The following TENM2 variants were observed in gnomAD, a reference collection of about 807,000 sequenced individuals.
The protein encoded by TENM2 is teneurin-2.
TENM2 carries 52 observed loss-of-function variants against 245.2 expected under a neutral mutation model. That is an observed-to-expected ratio of 0.21 (90% CI 0.17 to 0.27). The LOEUF (loss-of-function observed/expected upper bound fraction) is 0.27, where lower values mean the gene tolerates loss of function less well. Among genes scored for constraint, TENM2 ranks in the 10% least tolerant of loss-of-function variants. The pLI is 1.00. For missense variants in TENM2, 3,046 were observed against 3,666.8 expected, an observed-to-expected ratio of 0.83 and a Z score of 4.37; for synonymous variants, 1,363 against 1,438.9, an observed-to-expected ratio of 0.95 and a Z score of 1.19.
At chr5:168,190,580 GTC>G in intron 14 of TENM2, 33 bp downstream of exon 16, 1 of 1,584,944 alleles carries the variant, frequency 6.3e-7, no homozygotes, top group Non-Finnish European at 8.6e-7. Flanking sequence ...AACTCCTGAA[GTC>G]TCTGATTTTC....
intron 3 of TENM2, among the ~76,000 whole-genome samples, chr5:167,882,616 C>T (rs191989221): frequency 2.3e-3 from 353 of 152,296 alleles, no homozygotes; most frequent in Non-Finnish European, 4.2e-3. Context: ...AGGGGAAGAA[C>T]AGCACCTTCT....
At chr5:167,952,311 A>T (rs774955373) in intron 3 of TENM2, 88 of 551,730 alleles carry the variant, frequency 1.6e-4, no homozygotes, top group Non-Finnish European at 2.4e-4. Flanking sequence ...ATATGTTTCA[A>T]ATAATTCCTC....
chr5:167,092,487 A>C, the TENM2 span, among the ~76,000 whole-genome samples: 5 of 152,202 alleles, frequency 3.3e-5, no homozygotes, highest in African/African-American at 1.2e-4. Context: ...TACAGCTGAT[A>C]TTACAGATTG....
chr5:167,125,773 C>T, the TENM2 span, among the ~76,000 whole-genome samples: 3 of 152,032 alleles, frequency 2.0e-5, no homozygotes, highest in Non-Finnish European at 4.4e-5. Context: ...TAGACCCTTC[C>T]CTAGGTCTCT....
chr5:167,510,939 T>TA (rs906349023), intron 2 of TENM2, among the ~76,000 whole-genome samples: 173 of 125,918 alleles, frequency 1.4e-3, no homozygotes, highest in African/African-American at 3.6e-3. Context: ...TGTGAGATAA[T>TA]AAAAAAAAAA....
At chr5:168,005,641 T>C (rs770752012) in intron 5 of TENM2, among the ~76,000 whole-genome samples, 4 of 152,180 alleles carry the variant, frequency 2.6e-5, no homozygotes, top group Non-Finnish European at 5.9e-5. Flanking sequence ...AGGATTTTGT[T>C]GGAAGAGCTG....
chr5:167,132,623 A>C, the TENM2 span, among the ~76,000 whole-genome samples: 1 of 152,322 alleles, frequency 6.6e-6, no homozygotes, highest in South Asian at 2.1e-4. Context: ...TGCATTTGGC[A>C]TGTGACCCCC....
intron 2 of TENM2, among the ~76,000 whole-genome samples, chr5:167,569,833 G>T (rs1486649564): frequency 2.0e-5 from 3 of 152,136 alleles, no homozygotes; most frequent in East Asian, 1.9e-4. Flanking sequence ...GAGAGTAAAA[G>T]AATTTGACCC....
At chr5:167,672,079 G>T (rs1755986925) in intron 2 of TENM2, among the ~76,000 whole-genome samples, 1 of 152,108 alleles carries the variant, frequency 6.6e-6, no homozygotes, top group African/African-American at 2.4e-5. Flanking sequence ...GCAAAATTAT[G>T]CAGTGAAAAC....
chr5:167,304,195 G>A (rs774217546), intron 1 of TENM2, among the ~76,000 whole-genome samples: 2 of 152,176 alleles, frequency 1.3e-5, no homozygotes, highest in Admixed American at 6.5e-5. Flanking sequence ...GATGATAAAT[G>A]CTTCTTCCCC....
chr5:167,160,306 C>T, the TENM2 span, among the ~76,000 whole-genome samples: 2 of 152,204 alleles, frequency 1.3e-5, no homozygotes, highest in Non-Finnish European at 2.9e-5. Flanking sequence ...GATTCTGGTC[C>T]ACAGGACGGA....
At chr5:167,939,821 C>T (rs950151827) in intron 3 of TENM2, among the ~76,000 whole-genome samples, 2 of 152,204 alleles carry the variant, frequency 1.3e-5, no homozygotes, top group Non-Finnish European at 2.9e-5. Flanking sequence ...AATCAGGATT[C>T]ACCCAGCCTG....
At chr5:167,320,759 C>T (rs866968815) in intron 1 of TENM2, among the ~76,000 whole-genome samples, 48 of 152,160 alleles carry the variant, frequency 3.2e-4, no homozygotes, top group African/African-American at 1.1e-3. Flanking sequence ...ATTGGACTTT[C>T]CAGCCTCCAG....
At chr5:167,465,913 G>A (rs758203793) in intron 2 of TENM2, among the ~76,000 whole-genome samples, 3 of 152,244 alleles carry the variant, frequency 2.0e-5, no homozygotes, top group African/African-American at 4.8e-5. Context: ...GGATGTATCA[G>A]TATCTGCCTT....
At chr5:167,385,285 C>T (rs1307331929) in intron 2 of TENM2, among the ~76,000 whole-genome samples, 1 of 151,782 alleles carries the variant, frequency 6.6e-6, no homozygotes, top group African/African-American at 2.4e-5. Flanking sequence ...TTTAATTGCT[C>T]CTGTAACTAT....
intron 1 of TENM2, among the ~76,000 whole-genome samples, chr5:167,373,257 A>G (rs977116044): frequency 2.0e-5 from 3 of 152,246 alleles, no homozygotes; most frequent in African/African-American, 7.2e-5. Flanking sequence ...TTACAAATTA[A>G]AGTCCCACTA....
the TENM2 span, among the ~76,000 whole-genome samples, chr5:167,230,565 A>G: frequency 6.6e-6 from 1 of 152,108 alleles, no homozygotes; most frequent in East Asian, 1.9e-4. Context: ...ACGGCTTTCA[A>G]ATCTAGTTGC....
intron 3 of TENM2, among the ~76,000 whole-genome samples, chr5:167,922,103 A>G (rs1471131886): frequency 6.6e-6 from 1 of 152,204 alleles, no homozygotes; most frequent in Non-Finnish European, 1.5e-5. Flanking sequence ...ATAAGGAGAA[A>G]AGGAAAACTG....
intron 2 of TENM2, among the ~76,000 whole-genome samples, chr5:167,840,397 A>G (rs1769393954): frequency 6.6e-6 from 1 of 152,196 alleles, no homozygotes; most frequent in Non-Finnish European, 1.5e-5. Flanking sequence ...GGAGAAATTC[A>G]AGGAACACAT....
Sources: allele counts gnomAD v4.1 joint callset (sites outside exome capture counted in the v4.1 genomes callset), GRCh38; gene constraint gnomAD v4.1.1; transcripts MANE v1.5; gene names NCBI Gene and HGNC (gene_info 2026-07-23, HGNC 2026-07-21).